Variants in NUP214 observed in about 807,000 individuals in gnomAD.
NUP214 encodes nuclear pore complex protein Nup214.
NUP214 carries 79 observed loss-of-function variants against 196.2 expected under a neutral mutation model. The ratio of observed to expected loss-of-function variants is 0.40; its 90% CI spans 0.34 to 0.49. The LOEUF (loss-of-function observed/expected upper bound fraction) is 0.49. Among genes scored for constraint, NUP214 ranks in the 20% least tolerant of loss-of-function variants. NUP214 has a pLI of 0.58. For synonymous variants in NUP214, 1,020 were observed against 990.5 expected (o/e 1.03, Z -0.56); for missense variants, 2,468 against 2,539.0 (o/e 0.97, Z 0.60).
chr9:131,129,206 T>C lies in NUP214; in HGVS notation c.394-73T>C, dbSNP rs1831453515. The C allele has an allele frequency of 2.4e-6, 3 of 1,262,664 alleles. No individual in the cohort carries two copies. In the South Asian group the frequency reaches 3.8e-5, roughly 16 times the overall value. The allele number at this position is 1,262,664 out of a possible 1,614,324, so 78.2% of individuals were successfully genotyped here. ...GAGATACCTTGTGTATTCAGTAATT[T>C]CCATTGAATATTAAATGTTTCTGCA... On this transcript the variant is annotated intron_variant, in intron 3 of 35. Coordinates refer to ENST00000359428, the MANE Select transcript of NUP214 (RefSeq NM_005085.4).
chr9:131,214,217 C>G (rs1049420203), intron 30 of NUP214, among the ~76,000 whole-genome samples: 30 of 152,282 alleles, frequency 2.0e-4, no homozygotes, highest in Middle Eastern at 6.8e-3. Flanking sequence ...TTAGAAAATA[C>G]TTAGGAATGT....
chr9:131,234,102 C>T lies in NUP214; in HGVS notation c.*615C>T, dbSNP rs1834952416. 4.7e-5 allele frequency: 11 copies of T among 234,818 alleles called. No individual in the cohort carries two copies. In the South Asian group the frequency reaches 1.2e-3, roughly 26 times the overall value. The allele number at this position is 234,818 out of a possible 1,614,324, so 14.5% of individuals were successfully genotyped here. ...TTCAGTACAGTACAATAGTAGCCAGCGTGAGGCAGGACAGTGCTGCGCCTT... is the reference window on the plus strand; with the variant it reads ...TTCAGTACAGTACAATAGTAGCCAGTGTGAGGCAGGACAGTGCTGCGCCTT... On this transcript the variant is annotated 3_prime_UTR_variant, in exon 36 of 36. Transcript: ENST00000359428.
At chr9:131,143,149 G>GTA (rs1315759473) in intron 11 of NUP214, among the ~76,000 whole-genome samples, 1 of 152,098 alleles carries the variant, frequency 6.6e-6, no homozygotes, top group African/African-American at 2.4e-5. Flanking sequence ...TGGGACTACA[G>GTA]GCACAAGCCA....
At position 131,146,243 on chromosome 9, in the gene NUP214, A is replaced by G. The variant is rs2296710; in HGVS notation, c.1884A>G (p.Thr628=). 514,045 of 1,613,128 alleles carry G rather than the reference A, an allele frequency of 0.32. 83,687 individuals carry two copies. Among genetic ancestry groups the G allele is most frequent in the South Asian group, 0.45 (40,723 of 91,058 alleles). The change falls in exon 13 of 36, where the codon ACA becomes ACG. Residue 628 remains threonine (T), a synonymous_variant. Coordinates refer to ENST00000359428, the MANE Select transcript of NUP214 (RefSeq NM_005085.4). This position sits in a 1 kb window ranked among gnomAD's most constrained non-coding sequence, Gnocchi z 4.6. ...CTTCTGGACCACTCAGCCACCCCAC[A>G]CCTCTCTCAGCACCACCTAGTTCCG... ...PAASGPLSHP[T]PLSAPPSSVP...
intron 6 of NUP214, 195 bp from the exon 7 acceptor site, chr9:131,132,911 T>C (rs1404611661): frequency 1.6e-6 from 1 of 621,832 alleles, no homozygotes; most frequent in Non-Finnish European, 2.8e-6. Flanking sequence ...CTGATTATAA[T>C]CCAGCAGAAA....
At position 131,137,109 on chromosome 9, in the gene NUP214, A is replaced by G. The variant is rs1215981481; in HGVS notation, c.1005+1103A>G. On this transcript the variant is annotated intron_variant, in intron 9 of 35. Coordinates refer to ENST00000359428, the MANE Select transcript of NUP214 (RefSeq NM_005085.4). ...TCAGCCATCTGATTTGCTGCTCTAG[A>G]ACTATCTTAGATTGACCTCAGTAAT... is the stretch of plus-strand genomic sequence containing the variant. 5.9e-5 allele frequency among the ~76,000 whole-genome samples: 9 copies of G among 152,352 alleles called. No individual in the cohort carries two copies. In the East Asian group the frequency reaches 1.7e-3, roughly 29 times the overall value.
At chr9:131,140,808 T>G in intron 11 of NUP214, 98 bp downstream of exon 11, 1 of 1,230,704 alleles carries the variant, frequency 8.1e-7, no homozygotes, top group Non-Finnish European at 1.1e-6. Flanking sequence ...ATAGTGATTA[T>G]CTTTACCAGC....
At position 131,228,150 on chromosome 9, in the gene NUP214, T is replaced by A; in HGVS notation, c.5903-10T>A. ...CCCTATTTCTGTTTGTTTGCCTCTG[T>A]TTTGCTCAGGTGGCTTCGGTGCTGC... On this transcript the variant is annotated splice_polypyrimidine_tract_variant and intron_variant, in intron 32 of 35. Coordinates refer to ENST00000359428, the MANE Select transcript of NUP214 (RefSeq NM_005085.4). 6.4e-7 allele frequency: 1 copy of A among 1,566,122 alleles called. No homozygotes were observed. Among genetic ancestry groups the A allele is most frequent in the Non-Finnish European group, 8.6e-7 (1 of 1,160,702 alleles).
intron 21 of NUP214, among the ~76,000 whole-genome samples, chr9:131,173,717 C>T (rs936522652): frequency 3.3e-5 from 5 of 152,076 alleles, no homozygotes; most frequent in Admixed American, 2.0e-4. Context: ...ACCATGGAAA[C>T]TTGCCTGTTA....
At chr9:131,128,636 A>T in intron 3 of NUP214, 153 bp downstream of exon 3, 2 of 582,228 alleles carry the variant, frequency 3.4e-6, no homozygotes. Context: ...ATAGAATCAT[A>T]GATCTTTGAG....
In NUP214 at chr9:131,163,042, T is replaced by C. The variant is rs1053102774; in HGVS notation, c.2592T>C (p.Asn864=). The C allele has an allele frequency of 6.2e-7, 1 of 1,614,206 alleles. No homozygotes were observed. Residue 864 remains asparagine, a synonymous_variant, in exon 19 of 36, where the codon AAT becomes AAC. Coordinates refer to ENST00000359428, the MANE Select transcript of NUP214 (RefSeq NM_005085.4). ...CACTGTTTAACACCCTAGCCAACAA[T>C]CGGGAAATCATCAACCAACAGAGGA... ...RETLFNTLAN[N]REIINQQRKR...
Position 131,232,578 on chromosome 9 carries a change from G to T in NUP214, c.6239+270G>T. On this transcript the variant is annotated intron_variant, in intron 35 of 35. Coordinates refer to ENST00000359428, the MANE Select transcript of NUP214 (RefSeq NM_005085.4). The surrounding 1 kb of genome is among the most constrained non-coding windows in gnomAD (Gnocchi z 5.1). ...GCCTGCCAGTGAGCTGGGCCTGAGG[G>T]CAGCGCTGAGGAGATGCTGCTCCTG... 1.8e-6 allele frequency: 1 copy of T among 553,616 alleles called. No individual in the cohort carries two copies. Among genetic ancestry groups the T allele is most frequent in the East Asian group, 3.1e-5 (1 of 31,876 alleles). The allele number at this position is 553,616 out of a possible 1,614,324, so 34.3% of individuals were successfully genotyped here.
intron 17 of NUP214, among the ~76,000 whole-genome samples, chr9:131,156,809 A>G (rs528843236): frequency 6.6e-6 from 1 of 151,980 alleles, no homozygotes; most frequent in East Asian, 1.9e-4. Context: ...ATCAGTTTGG[A>G]CGCGCTTTAT....
chr9:131,187,424 TCGCCCAGG>T, intron 25 of NUP214, 60 bp downstream of exon 25: 1 of 1,313,260 alleles, frequency 7.6e-7, no homozygotes, highest in Non-Finnish European at 1.1e-6. Flanking sequence ...TCTTACTCTG[TCGCCCAGG>T]CTCAAGTGCA....
In NUP214 at chr9:131,228,271, G is replaced by A. The variant is rs1181878840; in HGVS notation, c.6014G>A (p.Gly2005Asp). Residue 2005 changes from glycine to aspartate, a missense_variant, in exon 33 of 36, where the codon GGC (glycine) becomes GAC (aspartate). This residue lies in a region of NUP214 where 262 missense variants were observed against 296.5 expected (regional missense o/e 0.88). Transcript: ENST00000359428. ...GSAPAFTSPL[G>D]STGGKVFGEG... ...GCCCCAGCCTTTACAAGCCCTCTGG[G>A]CTCGACGGGAGGCAAAGTGTTCGGA... The A allele has an allele frequency of 6.2e-7, 1 of 1,605,550 alleles. No individual in the cohort carries two copies. Among genetic ancestry groups the A allele is most frequent in the Non-Finnish European group, 8.5e-7 (1 of 1,177,120 alleles).
At chr9:131,217,381 A>G (rs1179769739) in intron 31 of NUP214, among the ~76,000 whole-genome samples, 1 of 152,252 alleles carries the variant, frequency 6.6e-6, no homozygotes, top group Non-Finnish European at 1.5e-5. Context: ...TAGTTTTCAA[A>G]AACTGTTTTT....
intron 24 of NUP214, among the ~76,000 whole-genome samples, chr9:131,186,686 T>A (rs1173186650): frequency 1.3e-5 from 2 of 152,242 alleles, no homozygotes; most frequent in Non-Finnish European, 2.9e-5. Flanking sequence ...AGTATTCACC[T>A]ACTTCAGAGT....
intron 18 of NUP214, among the ~76,000 whole-genome samples, chr9:131,162,624 A>G (rs1280667285): frequency 1.3e-5 from 2 of 151,964 alleles, no homozygotes; most frequent in African/African-American, 4.8e-5. Context: ...ATTGAATATA[A>G]TTTACATTCA....
chr9:131,223,433 G>C (rs1337461718), intron 32 of NUP214, among the ~76,000 whole-genome samples: 2 of 152,030 alleles, frequency 1.3e-5, no homozygotes, highest in Admixed American at 6.6e-5. Context: ...CCAAAGTGCT[G>C]GGACTACAGG....
Sources: allele counts gnomAD v4.1 joint callset (sites outside exome capture counted in the v4.1 genomes callset), GRCh38; gene constraint gnomAD v4.1.1; regional missense constraint gnomAD v4.1.1; non-coding constraint Gnocchi (gnomAD v3.1); transcripts MANE v1.5; gene names NCBI Gene and HGNC (gene_info 2026-07-23, HGNC 2026-07-21).